CNTN4: variants seen among roughly 807,000 people sequenced by gnomAD.
The protein encoded by CNTN4 is contactin-4.
In CNTN4, 77 loss-of-function variants were observed where a neutral mutation model predicts 122.5. The observed-to-expected ratio is 0.63, with a 90% CI of 0.52 to 0.76. CNTN4 has a LOEUF of 0.76. Ranked by LOEUF, CNTN4 falls within the 30% of genes least tolerant of loss-of-function variation. The pLI is 0.00. For synonymous variants in CNTN4, 512 were observed against 447.0 expected, an observed-to-expected ratio of 1.15 and a Z score of -1.83; for missense variants, 1,256 against 1,259.1, an observed-to-expected ratio of 1.00 and a Z score of 0.04.
At chr3:2,880,422 G>C (rs1285168338) in intron 8 of CNTN4, among the ~76,000 whole-genome samples, 1 of 152,134 alleles carries the variant, frequency 6.6e-6, no homozygotes, top group Non-Finnish European at 1.5e-5. Context: ...AGCACTAAAA[G>C]GTGTTAACTT....
At chr3:2,706,816 C>A (rs939291833) in intron 4 of CNTN4, among the ~76,000 whole-genome samples, 1 of 152,088 alleles carries the variant, frequency 6.6e-6, no homozygotes, top group African/African-American at 2.4e-5. Context: ...ATTTAAATTT[C>A]ATCTTTCCTG....
chr3:2,651,855 C>T lies in CNTN4; in HGVS notation c.55+80297C>T, dbSNP rs568559654. 8.6e-5 allele frequency among the ~76,000 whole-genome samples: 13 copies of T among 151,972 alleles called. No individual in the cohort carries two copies. The East Asian group carries it at 1.7e-3, about 20-fold the overall frequency. On this transcript the variant is annotated intron_variant, in intron 4 of 24. Transcript: ENST00000418658. ...AGTAGCTGGGATTACAGGCACCTGC[C>T]ACCACTCCTGGCTAACTTTTGCATT...
At chr3:2,775,220 A>G (rs2091267359) in intron 6 of CNTN4, among the ~76,000 whole-genome samples, 1 of 152,188 alleles carries the variant, frequency 6.6e-6, no homozygotes, top group African/African-American at 2.4e-5. Context: ...TTCAGAATTC[A>G]AATACTGCTT....
chr3:2,104,929 TC>T (rs1411846848), intron 2 of CNTN4, among the ~76,000 whole-genome samples: 1 of 152,182 alleles, frequency 6.6e-6, no homozygotes, highest in East Asian at 1.9e-4. Flanking sequence ...ACTATCCCAT[TC>T]TTAGTGCATA....
chr3:2,706,797 A>C (rs1028532745), intron 4 of CNTN4, among the ~76,000 whole-genome samples: 2 of 152,188 alleles, frequency 1.3e-5, no homozygotes, highest in Non-Finnish European at 2.9e-5. Flanking sequence ...TCCAGAGCCA[A>C]CCTACCAAAT....
chr3:2,145,992 C>G (rs1022491594), intron 2 of CNTN4, among the ~76,000 whole-genome samples: 3 of 147,758 alleles, frequency 2.0e-5, no homozygotes, highest in Admixed American at 1.3e-4. Flanking sequence ...GTTTTTTAAT[C>G]TTTAATACTT....
intron 4 of CNTN4, among the ~76,000 whole-genome samples, chr3:2,591,519 T>C (rs9863550): frequency 0.019 from 1,648 of 86,324 alleles, 269 homozygotes; most frequent in African/African-American, 0.067. Flanking sequence ...CGCCCGCCAC[T>C]ACGCCCGGCT....
intron 3 of CNTN4, among the ~76,000 whole-genome samples, chr3:2,519,826 T>C (rs909701649): frequency 1.3e-5 from 2 of 152,166 alleles, no homozygotes; most frequent in African/African-American, 4.8e-5. Context: ...ACTTCTATGG[T>C]AAGTTATTTG....
chr3:2,744,254 A>G (rs2089633923), intron 5 of CNTN4, among the ~76,000 whole-genome samples: 1 of 152,244 alleles, frequency 6.6e-6, no homozygotes, highest in South Asian at 2.1e-4. Flanking sequence ...TGTTGATACC[A>G]GACATCCAAA....
At chr3:2,158,835 T>G (rs886370843) in intron 2 of CNTN4, among the ~76,000 whole-genome samples, 1 of 152,206 alleles carries the variant, frequency 6.6e-6, no homozygotes, top group Non-Finnish European at 1.5e-5. Context: ...TTCATTTTTT[T>G]GTTTTGTTTG....
At chr3:2,316,238 T>TA (rs1229755156) in intron 2 of CNTN4, among the ~76,000 whole-genome samples, 2 of 152,106 alleles carry the variant, frequency 1.3e-5, no homozygotes, top group African/African-American at 4.8e-5. Context: ...CTCTAGCAGA[T>TA]AGAGTCTTTT....
intron 3 of CNTN4, among the ~76,000 whole-genome samples, chr3:2,560,308 C>G (rs1393743358): frequency 6.6e-6 from 1 of 151,630 alleles, no homozygotes; most frequent in Non-Finnish European, 1.5e-5. Context: ...ACCCAGCTAA[C>G]TTTTTGTATT....
At position 2,818,088 on chromosome 3, in the gene CNTN4, G is replaced by A. The variant is rs188362918; in HGVS notation, c.359-1398G>A. ...GCAGTCTTTGGTTTGCTCTGATTAG[G>A]TGTTATGTGTCAGACCTGCCTGCTT... On this transcript the variant is annotated intron_variant, in intron 6 of 24. Coordinates refer to ENST00000418658, the MANE Select transcript of CNTN4 (RefSeq NM_175607.3). Among the ~76,000 whole-genome samples, 26 of 152,238 alleles carry A rather than the reference G, an allele frequency of 1.7e-4. 1 individual carries two copies. The highest frequency in any genetic ancestry group is 1.6e-3 in the Admixed American group (24 of 15,286).
At chr3:2,627,780 A>G (rs1035670182) in intron 4 of CNTN4, among the ~76,000 whole-genome samples, 3 of 152,306 alleles carry the variant, frequency 2.0e-5, no homozygotes, top group South Asian at 2.1e-4. Flanking sequence ...GGCGTGAGCC[A>G]CCGTGCCTGG....
chr3:2,350,096 T>C (rs768616331), intron 3 of CNTN4, among the ~76,000 whole-genome samples: 2 of 152,206 alleles, frequency 1.3e-5, no homozygotes, highest in African/African-American at 4.8e-5. Flanking sequence ...GTGGTTGTTT[T>C]ACCTTTTCAT....
chr3:3,004,597 A>G (rs1165622962), intron 14 of CNTN4, among the ~76,000 whole-genome samples: 2 of 152,208 alleles, frequency 1.3e-5, no homozygotes, highest in African/African-American at 2.4e-5. Context: ...TACCACCTAT[A>G]AGCTGTTGAA....
chr3:2,356,403 C>T (rs552358871), intron 3 of CNTN4, among the ~76,000 whole-genome samples: 6 of 152,184 alleles, frequency 3.9e-5, no homozygotes, highest in Admixed American at 2.0e-4. Flanking sequence ...AGTTCCTCCC[C>T]TTTTTAGACC....
chr3:3,033,676 G>A (rs995173102), intron 16 of CNTN4, among the ~76,000 whole-genome samples: 8 of 152,140 alleles, frequency 5.3e-5, no homozygotes, highest in Non-Finnish European at 8.8e-5. Flanking sequence ...CTCCTGAGGT[G>A]GTCAATTGTA....
At chr3:2,407,151 G>A (rs757127558) in intron 3 of CNTN4, among the ~76,000 whole-genome samples, 17 of 152,118 alleles carry the variant, frequency 1.1e-4, no homozygotes, top group African/African-American at 1.7e-4. Context: ...AATTTAGCTC[G>A]TGTTATTTTG....
Sources: gnomAD v4.1 joint callset for allele counts (sites outside exome capture counted in the v4.1 genomes callset) on GRCh38, gnomAD v4.1.1 for gene constraint, MANE v1.5 for transcripts, NCBI Gene and HGNC (gene_info 2026-07-23, HGNC 2026-07-21) for gene names.